The following GRID2 variants were observed in gnomAD, a reference collection of about 807,000 sequenced individuals.
GRID2 encodes the protein glutamate ionotropic receptor delta type subunit 2.
GRID2 carries 33 observed loss-of-function variants against 114.8 expected under a neutral mutation model. The observed-to-expected ratio is 0.29, with a 90% CI of 0.22 to 0.38. GRID2 has a LOEUF of 0.38. GRID2 is among the 10% of genes least tolerant of loss of function. The probability of loss-of-function intolerance (pLI) is 1.00; values close to 1 mark genes in which losing one functional copy is unlikely to be tolerated. For synonymous variants in GRID2, 505 were observed against 449.9 expected (o/e 1.12, Z -1.55); for missense variants, 1,184 against 1,257.7 (o/e 0.94, Z 0.89).
intron 4 of GRID2, among the ~76,000 whole-genome samples, chr4:93,119,085 A>G (rs1042931556): frequency 6.6e-6 from 1 of 152,082 alleles, no homozygotes; most frequent in African/African-American, 2.4e-5. Flanking sequence ...TGTAGCATTG[A>G]GTTAATTATG....
intron 14 of GRID2, among the ~76,000 whole-genome samples, chr4:93,737,289 C>A (rs1033028112): frequency 6.6e-6 from 1 of 151,968 alleles, no homozygotes; most frequent in South Asian, 2.1e-4. Flanking sequence ...TCAAAGATTT[C>A]GTGAAATTGA....
chr4:92,342,592 G>A (rs943433785), intron 1 of GRID2, among the ~76,000 whole-genome samples: 1 of 152,152 alleles, frequency 6.6e-6, no homozygotes, highest in Non-Finnish European at 1.5e-5. Flanking sequence ...AGGTGTTCTT[G>A]GAAGGAAATT....
chr4:93,092,876 G>A (rs1730905977), intron 3 of GRID2, among the ~76,000 whole-genome samples: 1 of 151,724 alleles, frequency 6.6e-6, no homozygotes, highest in Non-Finnish European at 1.5e-5. Context: ...ACATATATAT[G>A]TGTACCATGG....
intron 2 of GRID2, among the ~76,000 whole-genome samples, chr4:92,696,942 T>TTCAGC (rs2149297844): frequency 6.6e-6 from 1 of 152,302 alleles, no homozygotes; most frequent in African/African-American, 2.4e-5. Flanking sequence ...AGGAATTTCA[T>TTCAGC]ATAGCTGATT....
chr4:93,483,174 A>C (rs1270795249), intron 11 of GRID2, among the ~76,000 whole-genome samples: 1 of 151,898 alleles, frequency 6.6e-6, no homozygotes, highest in Non-Finnish European at 1.5e-5. Context: ...GTTTTTCTAC[A>C]TTGTGATTCT....
intron 2 of GRID2, among the ~76,000 whole-genome samples, chr4:92,734,129 A>G (rs978058592): frequency 2.0e-5 from 3 of 152,128 alleles, no homozygotes; most frequent in Admixed American, 6.6e-5. Flanking sequence ...ACATGTTTCT[A>G]TCAGCCCTTA....
At chr4:92,818,583 A>G (rs1017755678) in intron 2 of GRID2, among the ~76,000 whole-genome samples, 7 of 152,118 alleles carry the variant, frequency 4.6e-5, no homozygotes, top group Admixed American at 4.6e-4. Context: ...TAGCTGTTCA[A>G]TTTAGTTTTA....
At chr4:92,883,876 G>C (rs1174572667) in intron 2 of GRID2, among the ~76,000 whole-genome samples, 1 of 152,150 alleles carries the variant, frequency 6.6e-6, no homozygotes, top group Non-Finnish European at 1.5e-5. Flanking sequence ...TAAATTTACT[G>C]GATCCAGGAT....
chr4:93,108,398 G>A lies in GRID2; in HGVS notation c.530-2350G>A, dbSNP rs527743054. On this transcript the variant is annotated intron_variant, in intron 3 of 15. Coordinates refer to ENST00000282020, the MANE Select transcript of GRID2 (RefSeq NM_001510.4). ...ACAAGTTTTTTCTCAAAGTGAAAAT[G>A]TAAACTAGTACTGGTATTTTATTTT... Among the ~76,000 whole-genome samples, 31 of 152,268 alleles carry A rather than the reference G, an allele frequency of 2.0e-4. No homozygotes were observed. The South Asian group carries it at 2.3e-3, about 11-fold the overall frequency.
intron 9 of GRID2, among the ~76,000 whole-genome samples, chr4:93,402,237 A>G (rs943357944): frequency 4.6e-5 from 7 of 152,182 alleles, no homozygotes; most frequent in Non-Finnish European, 8.8e-5. Context: ...GTCAAAAGGT[A>G]TGACTTTTAG....
rs536100961 is a variant in GRID2, at chr4:93,353,974, C to T, written c.1246-41633C>T. 2.6e-5 allele frequency among the ~76,000 whole-genome samples: 4 copies of T among 151,840 alleles called. No homozygotes were observed. The East Asian group carries it at 7.8e-4, about 29-fold the overall frequency. ...CTTGAAATTGACATTGTTGAATTAT[C>T]GATGGTTTATTCATGTTATTGAATA... On this transcript the variant is annotated intron_variant, in intron 8 of 15. Transcript: ENST00000282020.
chr4:93,638,321 A>ATTTTTTTTTTTTTTTTT (rs1560850925), intron 14 of GRID2, among the ~76,000 whole-genome samples: 3 of 45,448 alleles, frequency 6.6e-5, no homozygotes, highest in Non-Finnish European at 4.2e-5. Context: ...TTTTTTTTTA[A>ATTTTTTTTTTTTTTTTT]TTATACTCTA....
intron 14 of GRID2, among the ~76,000 whole-genome samples, chr4:93,741,430 A>G (rs1731409925): frequency 6.6e-6 from 1 of 151,976 alleles, no homozygotes; most frequent in Non-Finnish European, 1.5e-5. Context: ...ACATGCAAAT[A>G]TGTTTATCAT....
At chr4:92,425,509 C>T (rs1373963792) in intron 1 of GRID2, among the ~76,000 whole-genome samples, 3 of 152,030 alleles carry the variant, frequency 2.0e-5, no homozygotes, top group Non-Finnish European at 4.4e-5. Context: ...TTTCATGAAA[C>T]GATGATTTCT....
chr4:93,083,856 T>TAAA (rs1476788998), intron 2 of GRID2, among the ~76,000 whole-genome samples: 2 of 152,094 alleles, frequency 1.3e-5, no homozygotes, highest in Non-Finnish European at 2.9e-5. Flanking sequence ...TTAATAATAA[T>TAAA]AAATTTATTT....
intron 2 of GRID2, among the ~76,000 whole-genome samples, chr4:92,596,651 A>T (rs918208064): frequency 6.6e-5 from 10 of 152,008 alleles, no homozygotes; most frequent in African/African-American, 2.4e-4. Context: ...GTATTAAAGG[A>T]CAAATAATTC....
intron 1 of GRID2, among the ~76,000 whole-genome samples, chr4:92,572,732 T>C (rs1727691224): frequency 6.6e-6 from 1 of 152,134 alleles, no homozygotes; most frequent in African/African-American, 2.4e-5. Flanking sequence ...AGCAGTGTTT[T>C]GTTGAGTATT....
At chr4:92,736,393 CATA>C (rs1342019267) in intron 2 of GRID2, among the ~76,000 whole-genome samples, 1 of 152,030 alleles carries the variant, frequency 6.6e-6, no homozygotes, top group African/African-American at 2.4e-5. Context: ...TGAGATATAG[CATA>C]ATAAATTTTT....
chr4:92,933,880 C>G (rs1412164418), intron 2 of GRID2, among the ~76,000 whole-genome samples: 2 of 151,500 alleles, frequency 1.3e-5, no homozygotes, highest in Non-Finnish European at 3.0e-5. Context: ...CTTAGATTCA[C>G]TTTGTTTGTA....
Sources: allele counts gnomAD v4.1 joint callset (sites outside exome capture counted in the v4.1 genomes callset), GRCh38; gene constraint gnomAD v4.1.1; transcripts MANE v1.5; gene names NCBI Gene and HGNC (gene_info 2026-07-23, HGNC 2026-07-21).